The following HNF4A variants were observed in gnomAD, a reference collection of about 807,000 sequenced individuals.
HNF4A encodes hepatocyte nuclear factor 4 alpha.
HNF4A carries 15 observed loss-of-function variants against 52.4 expected under a neutral mutation model. The ratio of observed to expected loss-of-function variants is 0.29; its 90% CI spans 0.19 to 0.44. The LOEUF (loss-of-function observed/expected upper bound fraction) is 0.44, where lower values mean the gene tolerates loss of function less well. Ranked by LOEUF, HNF4A falls within the 20% of genes least tolerant of loss-of-function variation. The probability of loss-of-function intolerance (pLI) is 1.00; values close to 1 mark genes in which losing one functional copy is unlikely to be tolerated. For missense variants in HNF4A, 479 were observed against 647.2 expected (o/e 0.74, Z 2.82); for synonymous variants, 280 against 264.4 (o/e 1.06, Z -0.57).
At chr20:44,399,212 T>C (rs1600693126), upstream of HNF4A, among the ~76,000 whole-genome samples, 1 of 104,888 alleles carries the variant, frequency 9.5e-6, no homozygotes, top group Non-Finnish European at 2.2e-5. Context: ...TCAAGTCTCA[T>C]AGTGTGGGTT....
At chr20:44,416,078 A>T (rs1343388331) in intron 5 of HNF4A, among the ~76,000 whole-genome samples, 1 of 152,090 alleles carries the variant, frequency 6.6e-6, no homozygotes, top group Non-Finnish European at 1.5e-5. Context: ...ATTCTCAGAG[A>T]GCAATGATGG....
At chr20:44,355,743 G>A in exon 1 of HNF4A, 2 of 1,494,792 alleles carry the variant, frequency 1.3e-6, no homozygotes, top group Non-Finnish European at 1.9e-6. Context: ...TGGCTGTGCT[G>A]CTGCTGTGAG....
chr20:44,420,892 A>G (rs576300954), intron 7 of HNF4A, among the ~76,000 whole-genome samples: 138 of 152,288 alleles, frequency 9.1e-4, no homozygotes, highest in African/African-American at 3.0e-3. Context: ...CTACTTTTCC[A>G]GCTCTAAGTC....
chr20:44,433,262 G>C (rs950888883), downstream of HNF4A: 1 of 152,558 alleles, frequency 6.6e-6, no homozygotes, highest in African/African-American at 2.4e-5. Flanking sequence ...CCTCCACCAA[G>C]GTTCAAGACA....
intron 3 of HNF4A, among the ~76,000 whole-genome samples, chr20:44,411,476 C>T (rs1041612618): frequency 2.1e-5 from 3 of 145,102 alleles, no homozygotes; most frequent in East Asian, 4.5e-4. Context: ...GCCGGCCACT[C>T]GGCGCCCTGA....
Position 44,429,600 on chromosome 20 carries a change from G to T in HNF4A, c.1360G>T (p.Ala454Ser), listed in dbSNP as rs371405335. The stretch of plus-strand genomic sequence containing the variant: ...CTATAAGCTCCTGCCGGGAGCCGTC[G>T]CCACAATCGTCAAGCCCCTCTCTGC... Residue 454 changes from alanine to serine, a missense_variant, in exon 10 of 10, where the codon GCC becomes TCC. Physicochemically the swap from Ala to Ser is moderately conservative, Grantham distance 99. Transcript: ENST00000316099. 6.2e-7 allele frequency: 1 copy of T among 1,613,862 alleles called. No individual in the cohort carries two copies.
At chr20:44,388,659 A>G (rs554353354) in intron 1 of HNF4A, among the ~76,000 whole-genome samples, 8 of 150,222 alleles carry the variant, frequency 5.3e-5, no homozygotes, top group Non-Finnish European at 1.2e-4. Context: ...CCCTAAGGCT[A>G]TCTAAGTTTC....
intron 3 of HNF4A, 141 bp from the exon 4 acceptor site, chr20:44,413,553 C>T (rs1323725754): frequency 1.4e-5 from 10 of 707,670 alleles, no homozygotes; most frequent in Non-Finnish European, 7.8e-6. Context: ...TAGAGGCCAT[C>T]TCCCCTCATT....
At chr20:44,411,183 G>T (rs1319397048) in intron 3 of HNF4A, among the ~76,000 whole-genome samples, 1 of 152,102 alleles carries the variant, frequency 6.6e-6, no homozygotes, top group Non-Finnish European at 1.5e-5. Flanking sequence ...TAGGTGATGG[G>T]CCAGGGGCCA....
intron 1 of HNF4A, among the ~76,000 whole-genome samples, chr20:44,404,935 TGTGC>T (rs2063472169): frequency 2.3e-5 from 2 of 87,682 alleles, no homozygotes; most frequent in Admixed American, 1.2e-4. Flanking sequence ...GTGTGGTGTG[TGTGC>T]GTGTGTGGGA....
At chr20:44,390,186 G>A (rs890891380) in intron 1 of HNF4A, among the ~76,000 whole-genome samples, 16 of 152,168 alleles carry the variant, frequency 1.1e-4, no homozygotes, top group African/African-American at 3.9e-4. Flanking sequence ...AAAAGCCACT[G>A]GGTTAAGGAT....
chr20:44,365,133 T>C (rs2062957578), intron 1 of HNF4A, among the ~76,000 whole-genome samples: 1 of 152,158 alleles, frequency 6.6e-6, no homozygotes, highest in African/African-American at 2.4e-5. Flanking sequence ...AGTGTAAATA[T>C]ACAATTTAAA....
chr20:44,369,789 C>A lies in HNF4A; in HGVS notation c.49+13936C>A, dbSNP rs1255118477. On this transcript the variant is annotated intron_variant, in intron 1 of 9. Coordinates refer to the HNF4A transcript ENST00000316673. ...AGCTGGGATTACAGGCGCGTGTCAC[C>A]ATGCCCAGCAATTTTTGTATTTTTA... 2.0e-5 allele frequency among the ~76,000 whole-genome samples: 3 copies of A among 151,940 alleles called. No homozygotes were observed. In the Middle Eastern group the frequency reaches 0.01, roughly 524 times the overall value.
intron 1 of HNF4A, among the ~76,000 whole-genome samples, chr20:44,372,510 G>T (rs2146210197): frequency 6.6e-6 from 1 of 152,228 alleles, no homozygotes; most frequent in East Asian, 1.9e-4. Context: ...TCACTCCCAG[G>T]CCCCATCTGG....
intron 1 of HNF4A, among the ~76,000 whole-genome samples, chr20:44,376,977 A>G (rs1280153117): frequency 2.0e-5 from 3 of 152,040 alleles, no homozygotes; most frequent in African/African-American, 7.2e-5. Context: ...AGGCAAGTAG[A>G]TCACTTAAGC....
intron 1 of HNF4A, chr20:44,390,619 C>A (rs1224117774): frequency 2.8e-6 from 2 of 702,400 alleles, no homozygotes; most frequent in Non-Finnish European, 5.2e-6. Flanking sequence ...CTGTGCGGGA[C>A]CCCATAGCAG....
upstream of HNF4A, among the ~76,000 whole-genome samples, chr20:44,400,828 C>T (rs1052006473): frequency 2.0e-5 from 3 of 152,030 alleles, no homozygotes; most frequent in South Asian, 2.1e-4. Context: ...GTTTCTAAAT[C>T]GTGGGCCATG....
At chr20:44,419,642 C>A in intron 6 of HNF4A, 79 bp from the exon 7 acceptor site, 3 of 1,415,578 alleles carry the variant, frequency 2.1e-6, no homozygotes, top group Non-Finnish European at 2.0e-6. Context: ...AGCTATCTTG[C>A]CAACTTAAAA....
At chr20:44,391,743 A>G (rs955780583) in intron 1 of HNF4A, among the ~76,000 whole-genome samples, 16 of 152,232 alleles carry the variant, frequency 1.1e-4, no homozygotes, top group Admixed American at 3.9e-4. Context: ...AGAACAGTGT[A>G]AGAGCAGAGG....
Sources: gnomAD v4.1 joint callset for allele counts (sites outside exome capture counted in the v4.1 genomes callset) on GRCh38, gnomAD v4.1.1 for gene constraint, MANE v1.5 for transcripts, NCBI Gene and HGNC (gene_info 2026-07-23, HGNC 2026-07-21) for gene names.